CCBE1: variants seen among roughly 807,000 people sequenced by gnomAD.
The protein encoded by CCBE1 is collagen and calcium-binding EGF domain-containing protein 1.
A neutral mutation model predicts 50.0 loss-of-function variants in CCBE1; 37 were observed. That is an observed-to-expected ratio of 0.74 (90% confidence interval 0.57 to 0.97). The LOEUF is 0.97. Among genes scored for constraint, CCBE1 ranks in the 50% least tolerant of loss-of-function variants. CCBE1 has a pLI of 0.00. For synonymous variants in CCBE1, 234 were observed against 203.7 expected (o/e 1.15, Z -1.27); for missense variants, 538 against 523.8 (o/e 1.03, Z -0.26).
At chr18:59,683,070 A>G (rs1292113109) in intron 2 of CCBE1, among the ~76,000 whole-genome samples, 3 of 152,124 alleles carry the variant, frequency 2.0e-5, no homozygotes, top group African/African-American at 7.2e-5. Context: ...AGTGATATAT[A>G]TTTTCATATA....
intron 2 of CCBE1, among the ~76,000 whole-genome samples, chr18:59,524,507 C>T (rs1414735941): frequency 6.6e-6 from 1 of 152,062 alleles, no homozygotes; most frequent in Non-Finnish European, 1.5e-5. Flanking sequence ...AAGAATTTTT[C>T]AAAACTTGCA....
chr18:59,648,030 C>G (rs2054078336), intron 2 of CCBE1, among the ~76,000 whole-genome samples: 1 of 152,106 alleles, frequency 6.6e-6, no homozygotes, highest in Non-Finnish European at 1.5e-5. Flanking sequence ...AACTATGTGA[C>G]AAAGAGAACA....
At chr18:59,584,095 C>A (rs977340011) in intron 2 of CCBE1, among the ~76,000 whole-genome samples, 2 of 151,964 alleles carry the variant, frequency 1.3e-5, no homozygotes, top group Non-Finnish European at 2.9e-5. Flanking sequence ...GACTTGGAAC[C>A]AACCCAAATG....
chr18:59,667,713 A>C (rs2054375361), intron 2 of CCBE1, among the ~76,000 whole-genome samples: 1 of 152,206 alleles, frequency 6.6e-6, no homozygotes, highest in South Asian at 2.1e-4. Context: ...AGAAAGCCAG[A>C]TGGCACTCAG....
At chr18:59,583,713 G>A (rs1276737835) in intron 2 of CCBE1, among the ~76,000 whole-genome samples, 1 of 151,238 alleles carries the variant, frequency 6.6e-6, no homozygotes, top group Non-Finnish European at 1.5e-5. Context: ...GTGTGTGTAT[G>A]TCTGCGACTA....
At chr18:59,467,657 G>A (rs1911816489) in intron 4 of CCBE1, among the ~76,000 whole-genome samples, 1 of 152,212 alleles carries the variant, frequency 6.6e-6, no homozygotes, top group Admixed American at 6.5e-5. Flanking sequence ...CGAGGACAGT[G>A]GGAGGCCCAA....
At chr18:59,548,838 T>C (rs1307003127) in intron 2 of CCBE1, among the ~76,000 whole-genome samples, 1 of 152,118 alleles carries the variant, frequency 6.6e-6, no homozygotes, top group African/African-American at 2.4e-5. Flanking sequence ...TATGCAATTG[T>C]AACACAATGG....
chr18:59,479,951 A>C (rs577322133), intron 3 of CCBE1, among the ~76,000 whole-genome samples: 4 of 152,374 alleles, frequency 2.6e-5, no homozygotes, highest in Admixed American at 2.0e-4. Context: ...AAAACCTGAA[A>C]TACTATATAA....
intron 2 of CCBE1, among the ~76,000 whole-genome samples, chr18:59,520,333 GTTC>G (rs1194724447): frequency 5.3e-5 from 8 of 152,104 alleles, no homozygotes; most frequent in Non-Finnish European, 7.4e-5. Flanking sequence ...ATTTGTTTGT[GTTC>G]TTATTTCCTT....
chr18:59,435,360 A>G lies in CCBE1; in HGVS notation c.*548T>C, dbSNP rs955309063. The G allele has an allele frequency of 1.3e-5, 2 of 159,222 alleles. No homozygotes were observed. The highest frequency in any genetic ancestry group is 1.8e-4 in the South Asian group (1 of 5,484). The allele number at this position is 159,222 out of a possible 1,614,324, so 9.9% of individuals were successfully genotyped here. A position where few individuals can be genotyped will look rare whatever the true frequency, so the allele number is the denominator to read the frequency against. Reference sequence around the variant, plus strand: ...GAAACAAGGTTTGACAAAGGGATACAATATTTAAAGTCTACTAGAAGCACA... The same window carrying G: ...GAAACAAGGTTTGACAAAGGGATACGATATTTAAAGTCTACTAGAAGCACA... On this transcript the variant is annotated 3_prime_UTR_variant, in exon 11 of 11. Coordinates refer to ENST00000439986, the MANE Select transcript of CCBE1 (RefSeq NM_133459.4).
At chr18:59,489,393 CTT>C (rs1479284524) in intron 2 of CCBE1, among the ~76,000 whole-genome samples, 3 of 151,224 alleles carry the variant, frequency 2.0e-5, no homozygotes, top group Non-Finnish European at 4.4e-5. Context: ...GAATGATTAA[CTT>C]TCTTATTTTT....
chr18:59,492,528 C>T (rs1274191852), intron 2 of CCBE1, among the ~76,000 whole-genome samples: 1 of 152,210 alleles, frequency 6.6e-6, no homozygotes, highest in African/African-American at 2.4e-5. Context: ...CATGCCCTCC[C>T]TCCCTCCTTC....
rs139971759 is a variant in CCBE1 at position 59,645,655 on chromosome 18, G to A, written c.212+50974C>T. ...CTAGGACAAAAATAATCTGTAGCCA[G>A]CACCCTCCCCCATATTCTAAGGAAA... On this transcript the variant is annotated intron_variant, in intron 2 of 10. Transcript: ENST00000439986. 1.3e-4 allele frequency among the ~76,000 whole-genome samples: 20 copies of A among 152,276 alleles called. 1 individual carries two copies. The highest frequency in any genetic ancestry group is 2.6e-4 in the Non-Finnish European group (18 of 68,028).
chr18:59,618,348 T>A (rs556184978), intron 2 of CCBE1, among the ~76,000 whole-genome samples: 2 of 151,894 alleles, frequency 1.3e-5, no homozygotes, highest in South Asian at 4.2e-4. Flanking sequence ...AGAAAAAAAA[T>A]GAGATGTAAA....
At chr18:59,480,339 T>C (rs1343187817) in intron 2 of CCBE1, 101 bp from the exon 3 acceptor site, 19 of 921,722 alleles carry the variant, frequency 2.1e-5, no homozygotes, top group Non-Finnish European at 2.9e-5. Flanking sequence ...CCAGGAAACA[T>C]TGAGGCATAA....
At chr18:59,455,869 G>A (rs754681479) in intron 5 of CCBE1, among the ~76,000 whole-genome samples, 5 of 152,266 alleles carry the variant, frequency 3.3e-5, no homozygotes, top group Admixed American at 6.5e-5. Flanking sequence ...TCTTCGCTTA[G>A]CAGCCCTTTG....
At chr18:59,485,903 ATTT>A (rs201348941) in intron 2 of CCBE1, among the ~76,000 whole-genome samples, 1 of 145,522 alleles carries the variant, frequency 6.9e-6, no homozygotes. Flanking sequence ...GCCCGGCCAG[ATTT>A]TTTTTTTTTT....
rs926465089 is a variant in CCBE1, at chr18:59,432,791, A to G, written c.*3117T>C. 1.3e-5 allele frequency: 2 copies of G among 152,186 alleles called. No individual in the cohort carries two copies. The highest frequency in any genetic ancestry group is 4.8e-5 in the African/African-American group (2 of 41,452). The allele number at this position is 152,186 out of a possible 1,614,324, so 9.4% of individuals were successfully genotyped here. On this transcript the variant is annotated 3_prime_UTR_variant, in exon 11 of 11. Coordinates refer to ENST00000439986, the MANE Select transcript of CCBE1 (RefSeq NM_133459.4). Reference sequence around the variant, plus strand: ...TTCTTTTAATATATTATTCTAGCCTATGGCCAAACATGCAGTTTGGTTGCA... The same window carrying G: ...TTCTTTTAATATATTATTCTAGCCTGTGGCCAAACATGCAGTTTGGTTGCA...
chr18:59,660,365 A>C (rs2054266561), intron 2 of CCBE1, among the ~76,000 whole-genome samples: 1 of 152,074 alleles, frequency 6.6e-6, no homozygotes, highest in Non-Finnish European at 1.5e-5. Flanking sequence ...ATAGCATCCC[A>C]ATCTTCCCAT....
Sources: allele counts gnomAD v4.1 joint callset (sites outside exome capture counted in the v4.1 genomes callset), GRCh38; gene constraint gnomAD v4.1.1; transcripts MANE v1.5; gene names NCBI Gene and HGNC (gene_info 2026-07-23, HGNC 2026-07-21).